Variants in NUBPL observed in about 807,000 individuals in gnomAD.
NUBPL encodes NUBP iron-sulfur cluster assembly factor, mitochondrial, also known as iron-sulfur cluster transfer protein NUBPL.
NUBPL carries 31 observed loss-of-function variants against 45.7 expected under a neutral mutation model. That is an observed-to-expected ratio of 0.68 (90% CI 0.51 to 0.92). The LOEUF (loss-of-function observed/expected upper bound fraction) is 0.92, where lower values mean the gene tolerates loss of function less well. Among genes scored for constraint, NUBPL ranks in the 40% least tolerant of loss-of-function variants. NUBPL has a pLI of 0.00. For synonymous variants in NUBPL, 144 were observed against 140.9 expected (o/e 1.02, Z -0.15); for missense variants, 401 against 398.7 (o/e 1.01, Z -0.05).
chr14:31,582,035 G>A (rs958418934), intron 3 of NUBPL, among the ~76,000 whole-genome samples: 15 of 151,904 alleles, frequency 9.9e-5, no homozygotes, highest in African/African-American at 3.4e-4. Flanking sequence ...TAGTCAATTC[G>A]TTTACTTTCA....
rs182240946 is a variant in NUBPL, at chr14:31,675,751, T to C, written c.513+2177T>C. ...CTGGTTTAAAGTTGTTTTGTTTTTT[T>C]CTTTTTCTCCCTGACAATACTTTGT... On this transcript the variant is annotated intron_variant, in intron 6 of 10. Coordinates refer to ENST00000281081, the MANE Select transcript of NUBPL (RefSeq NM_025152.3). 3.2e-4 allele frequency among the ~76,000 whole-genome samples: 48 copies of C among 152,362 alleles called. No homozygotes were observed. The East Asian group carries it at 7.7e-3, about 25-fold the overall frequency.
chr14:31,654,439 C>T lies in NUBPL; in HGVS notation c.383-18916C>T, dbSNP rs550546159. On this transcript the variant is annotated intron_variant, in intron 4 of 10. Transcript: ENST00000281081. ...TTTTTTTTTTTTTGAGACAGAGTCT[C>T]GCTCTGTTGCCCAGGCTGGAGTGCA... 4.4e-3 allele frequency among the ~76,000 whole-genome samples: 644 copies of T among 147,556 alleles called. 6 individuals carry two copies. Among genetic ancestry groups the T allele is most frequent in the African/African-American group, 0.015 (608 of 39,748 alleles).
At chr14:31,728,136 C>T (rs960694221) in intron 6 of NUBPL, among the ~76,000 whole-genome samples, 3 of 151,992 alleles carry the variant, frequency 2.0e-5, no homozygotes, top group African/African-American at 7.2e-5. Flanking sequence ...AGAATTGAAG[C>T]TAGTTTTTTT....
chr14:31,765,386 A>T (rs1595600389), intron 6 of NUBPL, among the ~76,000 whole-genome samples: 1 of 152,210 alleles, frequency 6.6e-6, no homozygotes, highest in Non-Finnish European at 1.5e-5. Flanking sequence ...TGTTCTTAGC[A>T]TTTCGTTCTA....
At chr14:31,764,080 C>T (rs572519344) in intron 6 of NUBPL, among the ~76,000 whole-genome samples, 1 of 152,180 alleles carries the variant, frequency 6.6e-6, no homozygotes, top group South Asian at 2.1e-4. Context: ...CTGTATTGAG[C>T]CCTATCATGA....
At chr14:31,780,841 A>C (rs567356717) in intron 6 of NUBPL, among the ~76,000 whole-genome samples, 1 of 152,210 alleles carries the variant, frequency 6.6e-6, no homozygotes, top group Non-Finnish European at 1.5e-5. Context: ...CATGACATAT[A>C]CCCCAACATA....
chr14:31,857,557 C>G (rs762569250), intron 10 of NUBPL, among the ~76,000 whole-genome samples: 2 of 152,172 alleles, frequency 1.3e-5, no homozygotes, highest in Admixed American at 1.3e-4. Flanking sequence ...CTCTGCTTCC[C>G]TTATAAAACT....
intron 6 of NUBPL, 121 bp downstream of exon 6, chr14:31,673,695 C>A: frequency 2.4e-6 from 2 of 828,640 alleles, no homozygotes; most frequent in Non-Finnish European, 4.1e-6. Context: ...ATGTATAATG[C>A]GTAATATGGC....
chr14:31,687,241 T>A (rs1161732640), intron 6 of NUBPL, among the ~76,000 whole-genome samples: 1 of 152,248 alleles, frequency 6.6e-6, no homozygotes, highest in Non-Finnish European at 1.5e-5. Flanking sequence ...TGGAAAATTT[T>A]TTGCAGATTT....
chr14:31,747,889 TA>T (rs934416928), intron 6 of NUBPL, among the ~76,000 whole-genome samples: 1 of 152,188 alleles, frequency 6.6e-6, no homozygotes, highest in African/African-American at 2.4e-5. Flanking sequence ...GGTACATCAA[TA>T]TGTTAGGTAT....
At chr14:31,691,309 C>T (rs2037088607) in intron 6 of NUBPL, among the ~76,000 whole-genome samples, 1 of 152,136 alleles carries the variant, frequency 6.6e-6, no homozygotes, top group African/African-American at 2.4e-5. Context: ...ATTTTCTTTT[C>T]TCTAGCTTAC....
intron 7 of NUBPL, among the ~76,000 whole-genome samples, chr14:31,826,236 G>A (rs980960668): frequency 4.0e-5 from 6 of 151,402 alleles, no homozygotes; most frequent in East Asian, 3.9e-4. Flanking sequence ...TTCTCCTGCC[G>A]CAGCCTCCCA....
intron 6 of NUBPL, among the ~76,000 whole-genome samples, chr14:31,735,602 C>G (rs1224994675): frequency 6.6e-6 from 1 of 152,110 alleles, no homozygotes; most frequent in Admixed American, 6.5e-5. Flanking sequence ...GCCTGTAATC[C>G]CAGCACTTTG....
intron 7 of NUBPL, among the ~76,000 whole-genome samples, chr14:31,816,526 T>C (rs936724382): frequency 2.6e-5 from 4 of 152,150 alleles, no homozygotes; most frequent in Non-Finnish European, 4.4e-5. Context: ...TGTCTCTATC[T>C]CCTTCAGTTC....
intron 4 of NUBPL, among the ~76,000 whole-genome samples, chr14:31,650,321 G>A (rs1383302826): frequency 6.6e-5 from 8 of 122,050 alleles, no homozygotes; most frequent in African/African-American, 2.4e-4. Flanking sequence ...ACGGAGTCTT[G>A]CTGTGTCACC....
At chr14:31,679,513 T>A (rs563270161) in intron 6 of NUBPL, among the ~76,000 whole-genome samples, 1 of 152,316 alleles carries the variant, frequency 6.6e-6, no homozygotes, top group Non-Finnish European at 1.5e-5. Context: ...ATCATTTGTT[T>A]GAAAGACTTC....
intron 3 of NUBPL, among the ~76,000 whole-genome samples, chr14:31,575,441 T>G (rs768339820): frequency 2.6e-5 from 4 of 152,200 alleles, no homozygotes; most frequent in African/African-American, 4.8e-5. Flanking sequence ...AACGTTGTTG[T>G]GAGTATTAAA....
chr14:31,704,390 A>T (rs951486490), intron 6 of NUBPL, among the ~76,000 whole-genome samples: 1 of 152,204 alleles, frequency 6.6e-6, no homozygotes, highest in Non-Finnish European at 1.5e-5. Flanking sequence ...TTGGCCAGGC[A>T]TGGTGGCCCA....
chr14:31,585,738 A>T (rs545061425), intron 3 of NUBPL, among the ~76,000 whole-genome samples: 1 of 152,196 alleles, frequency 6.6e-6, no homozygotes, highest in East Asian at 1.9e-4. Flanking sequence ...AGTCATTCTC[A>T]TGGTTATGAA....
Sources: allele counts gnomAD v4.1 joint callset (sites outside exome capture counted in the v4.1 genomes callset), GRCh38; gene constraint gnomAD v4.1.1; transcripts MANE v1.5; gene names NCBI Gene and HGNC (gene_info 2026-07-23, HGNC 2026-07-21).